COL4A2: variants seen among roughly 807,000 people sequenced by gnomAD.
COL4A2 encodes collagen type IV alpha 2 chain.
In COL4A2, 99 loss-of-function variants were observed where a neutral mutation model predicts 200.2. That is an observed-to-expected ratio of 0.49 (90% CI 0.42 to 0.58). The LOEUF (loss-of-function observed/expected upper bound fraction) is 0.58. COL4A2 is among the 20% of genes least tolerant of loss of function. The pLI is 0.00. For missense variants in COL4A2, 1,950 were observed against 2,314.1 expected (o/e 0.84, Z 3.23); for synonymous variants, 897 against 900.6 (o/e 1.00, Z 0.07).
chr13:110,412,854 GC>G (rs1460107912), intron 4 of COL4A2, among the ~76,000 whole-genome samples: 2 of 152,204 alleles, frequency 1.3e-5, no homozygotes, highest in African/African-American at 4.8e-5. Context: ...GGCCTCACTG[GC>G]CCAGCCCTCC....
Position 110,413,991 on chromosome 13 carries a change from C to T in COL4A2, c.181-10743C>T, listed in dbSNP as rs1160364591. On this transcript the variant is annotated intron_variant, in intron 4 of 47. Coordinates refer to ENST00000360467, the MANE Select transcript of COL4A2 (RefSeq NM_001846.4). Reference sequence around the variant, plus strand: ...ATGGCTCCCAAACCTGCCTGTGAATCTTAAGTGCTTGGGGGCCTTGCTGAA... The same window carrying T: ...ATGGCTCCCAAACCTGCCTGTGAATTTTAAGTGCTTGGGGGCCTTGCTGAA... Among the ~76,000 whole-genome samples the T allele has an allele frequency of 4.6e-5, 7 of 152,210 alleles. No individual in the cohort carries two copies. In the East Asian group the frequency reaches 1.3e-3, roughly 29 times the overall value.
Position 110,469,174 on chromosome 13 carries a change from C to G in COL4A2, c.2096-43C>G, listed in dbSNP as rs889073247. On this transcript the variant is annotated intron_variant, in intron 27 of 47. Transcript: ENST00000360467. ...CCAAGCATGACCATGCCCATTTATC[C>G]TCGTGGAGCCTGATGTGGTTTGTGG... 8 of 1,552,086 alleles carry G rather than the reference C, an allele frequency of 5.2e-6. No homozygotes were observed. The African/African-American group carries it at 9.5e-5, about 19-fold the overall frequency.
chr13:110,492,676 C>T (rs1401570509), intron 38 of COL4A2, among the ~76,000 whole-genome samples: 1 of 152,182 alleles, frequency 6.6e-6, no homozygotes, highest in Non-Finnish European at 1.5e-5. Flanking sequence ...GAAATGACAC[C>T]GGGCTATTTG....
intron 3 of COL4A2, among the ~76,000 whole-genome samples, chr13:110,326,458 C>T (rs1345049140): frequency 6.6e-6 from 1 of 152,132 alleles, no homozygotes; most frequent in African/African-American, 2.4e-5. Context: ...TGAGTCACGG[C>T]GTCTTGGCAA....
chr13:110,421,224 G>A (rs1205992091), intron 4 of COL4A2, among the ~76,000 whole-genome samples: 2 of 152,194 alleles, frequency 1.3e-5, no homozygotes, highest in South Asian at 2.1e-4. Context: ...CATATTTACA[G>A]CAGCACTATT....
In COL4A2 at chr13:110,436,325, C is replaced by T; in HGVS notation, c.783C>T (p.Ile261=). ...NGIPSDTLHP[I]IAPTGVTFHP... is the part of the protein sequence containing the mutation. ...TTCCATCAGACACCCTCCACCCCAT[C>T]ATCGCGCCCACAGGAGTCACCTTCC... The change falls in exon 13 of 48, where the codon ATC becomes ATT. Residue 261 remains isoleucine, a synonymous_variant. Coordinates refer to ENST00000360467, the MANE Select transcript of COL4A2 (RefSeq NM_001846.4). 1.2e-6 allele frequency: 2 copies of T among 1,614,074 alleles called. No homozygotes were observed. The highest frequency in any genetic ancestry group is 3.3e-5 in the Admixed American group (2 of 60,010).
chr13:110,344,472 T>G (rs994488225), intron 3 of COL4A2, among the ~76,000 whole-genome samples: 1 of 152,188 alleles, frequency 6.6e-6, no homozygotes, highest in Non-Finnish European at 1.5e-5. Flanking sequence ...TACTTGCTGA[T>G]AGGTAATTGG....
In COL4A2 at chr13:110,506,383, G is replaced by T. The variant is rs183842910; in HGVS notation, c.4403-32G>T. 7.6e-4 allele frequency: 1,204 copies of T among 1,586,974 alleles called. 21 individuals carry two copies. In the East Asian group the frequency reaches 0.026, roughly 34 times the overall value. ...CTTTCTCGGGCTGCAGGTGCACCAG[G>T]CCGTCCACTCTCTCTCTTTCTCGGG... On this transcript the variant is annotated intron_variant, in intron 45 of 47. Transcript: ENST00000360467.
rs1273582136 is a variant in COL4A2, at chr13:110,465,431, G to T, written c.1803G>T (p.Gly601=). ...GTGATGGCATCAAGGGCCCTCCAGG[G>T]GACCCAGGCTATCCAGGAATACCTG... ...PPGDGIKGPP[G]DPGYPGIPGT... is the part of the protein sequence containing the mutation. The change falls in exon 25 of 48, where the codon GGG becomes GGT. Residue 601 remains glycine, a synonymous_variant. Coordinates refer to ENST00000360467, the MANE Select transcript of COL4A2 (RefSeq NM_001846.4). The T allele has an allele frequency of 4.3e-6, 7 of 1,613,334 alleles. No homozygotes were observed. The South Asian group carries it at 4.4e-5, about 10-fold the overall frequency.
At chr13:110,387,951 GCC>G (rs1878827547) in intron 4 of COL4A2, among the ~76,000 whole-genome samples, 1 of 152,154 alleles carries the variant, frequency 6.6e-6, no homozygotes, top group African/African-American at 2.4e-5. Flanking sequence ...TTTCCCTCCT[GCC>G]TGCTCTTCTT....
At chr13:110,506,305 C>T (rs919026929) in intron 45 of COL4A2, 110 bp from the exon 46 acceptor site, 2 of 1,196,296 alleles carry the variant, frequency 1.7e-6, no homozygotes, top group Non-Finnish European at 2.3e-6. Flanking sequence ...CCAGGCCGTC[C>T]ACTCTCTCTC....
intron 47 of COL4A2, 117 bp from the exon 48 acceptor site, chr13:110,511,817 T>C: frequency 3.3e-6 from 5 of 1,512,942 alleles, no homozygotes; most frequent in Non-Finnish European, 3.6e-6. Flanking sequence ...ATGTCCGTAT[T>C]GACACTCATG....
intron 28 of COL4A2, among the ~76,000 whole-genome samples, chr13:110,469,706 C>T (rs1882390371): frequency 6.6e-6 from 1 of 152,162 alleles, no homozygotes; most frequent in African/African-American, 2.4e-5. Flanking sequence ...CACAATGTGG[C>T]TGCAAGAGCT....
intron 4 of COL4A2, among the ~76,000 whole-genome samples, chr13:110,408,752 T>A (rs1326475932): frequency 2.0e-5 from 3 of 151,974 alleles, no homozygotes; most frequent in Non-Finnish European, 4.4e-5. Flanking sequence ...CAGGTCATAA[T>A]GAGAGCAGAA....
chr13:110,438,576 CG>C lies in COL4A2; in HGVS notation c.862-41del, dbSNP rs747717119. The C allele has an allele frequency of 2.0e-5, 33 of 1,613,542 alleles. 1 individual carries two copies. The Middle Eastern group carries it at 1.5e-3, about 72-fold the overall frequency. On this transcript the variant is annotated intron_variant, in intron 14 of 47. Coordinates refer to ENST00000360467, the MANE Select transcript of COL4A2 (RefSeq NM_001846.4). Reference sequence around the variant, plus strand: ...CGTGGGCCCTGTTGGCTGGAGGGGCCGCCCCTGGGTTGCTCCTTACGCCCCC... The same window carrying C: ...CGTGGGCCCTGTTGGCTGGAGGGGCCCCCCTGGGTTGCTCCTTACGCCCCC...
chr13:110,463,588 A>G (rs1405272279), intron 24 of COL4A2, among the ~76,000 whole-genome samples: 2 of 152,176 alleles, frequency 1.3e-5, no homozygotes, highest in East Asian at 3.8e-4. Context: ...TCTTGAGTGC[A>G]GTGGTACAAT....
intron 4 of COL4A2, among the ~76,000 whole-genome samples, chr13:110,424,232 G>A (rs1566525173): frequency 6.6e-6 from 1 of 150,820 alleles, no homozygotes; most frequent in African/African-American, 2.4e-5. Flanking sequence ...ATTTAGTGTG[G>A]ACAAACATTT....
rs560871349 is a variant in COL4A2, at chr13:110,441,666, CATT to C, written c.957+1836_957+1838del. On this transcript the variant is annotated intron_variant, in intron 16 of 47. Coordinates refer to ENST00000360467, the MANE Select transcript of COL4A2 (RefSeq NM_001846.4). ...GTAAAGGGACAGAGGCTAAAGCAGA[CATT>C]ATCGTTCAAAAGTAACCCGTTTCCA... Among the ~76,000 whole-genome samples the C allele has an allele frequency of 8.0e-4, 122 of 152,286 alleles. No individual in the cohort carries two copies. The East Asian group carries it at 0.022, about 27-fold the overall frequency.
chr13:110,441,557 G>A (rs537608867), intron 16 of COL4A2, among the ~76,000 whole-genome samples: 1 of 152,220 alleles, frequency 6.6e-6, no homozygotes, highest in South Asian at 2.1e-4. Flanking sequence ...ACTCCCAAAG[G>A]CGGCACACCT....
Sources: allele counts gnomAD v4.1 joint callset (sites outside exome capture counted in the v4.1 genomes callset), GRCh38; gene constraint gnomAD v4.1.1; transcripts MANE v1.5; gene names NCBI Gene and HGNC (gene_info 2026-07-23, HGNC 2026-07-21).